The following GP1BB variants were observed in gnomAD, a reference collection of about 807,000 sequenced individuals.
GP1BB encodes the protein platelet glycoprotein Ib beta chain.
A neutral mutation model predicts 2.5 loss-of-function variants in GP1BB; 3 were observed. The ratio of observed to expected loss-of-function variants is 1.22; its 90% CI spans 0.56 to 3.15. GP1BB has a LOEUF of 3.15. Among genes scored for constraint, GP1BB ranks in the 30% most tolerant of loss-of-function variants. The pLI, the probability that GP1BB is intolerant of heterozygous loss-of-function variation, is 0.03. For missense variants in GP1BB, 316 were observed against 307.0 expected (o/e 1.03, Z -0.22); for synonymous variants, 191 against 167.5 (o/e 1.14, Z -1.08).
chr22:19,724,589 C>A lies in GP1BB; in HGVS notation c.*125C>A. On this transcript the variant is annotated 3_prime_UTR_variant, in exon 2 of 2. Coordinates refer to ENST00000366425, the MANE Select transcript of GP1BB (RefSeq NM_000407.5). Reference sequence around the variant, plus strand: ...ACCGGTCCCCGCCTCCTCCGCTGCCCAATCTCTCAGACCCACCCCACCTGC... The same window carrying A: ...ACCGGTCCCCGCCTCCTCCGCTGCCAAATCTCTCAGACCCACCCCACCTGC... 2.7e-6 allele frequency: 2 copies of A among 737,446 alleles called. No homozygotes were observed. The highest frequency in any genetic ancestry group is 1.5e-5 in the South Asian group (1 of 67,096). The allele number at this position is 737,446 out of a possible 1,614,324, so 45.7% of individuals were successfully genotyped here.
Position 19,723,726 on chromosome 22 carries a change from G to A in GP1BB, c.11-128G>A, listed in dbSNP as rs868479925. 39 of 1,312,530 alleles carry A rather than the reference G, an allele frequency of 3.0e-5. No individual in the cohort carries two copies. In the African/African-American group the frequency reaches 4.2e-4, roughly 14 times the overall value. The allele number at this position is 1,312,530 out of a possible 1,614,324, so 81.3% of individuals were successfully genotyped here. A position where few individuals can be genotyped will look rare whatever the true frequency, so the allele number is the denominator to read the frequency against. On this transcript the variant is annotated intron_variant, in intron 1 of 1. Transcript: ENST00000366425. ...CGGCGTGCGGGGTGGTCAGGGTGGA[G>A]AGGCTGGCGGGCTACCGGGACGCCG...
At position 19,723,546 on chromosome 22, in the gene GP1BB, A is replaced by T; in HGVS notation, c.-24A>T. 2 of 1,589,182 alleles carry T rather than the reference A, an allele frequency of 1.3e-6. No individual in the cohort carries two copies. Among genetic ancestry groups the T allele is most frequent in the Non-Finnish European group, 8.5e-7 (1 of 1,172,872 alleles). On this transcript the variant is annotated 5_prime_UTR_variant, in exon 1 of 2. Transcript: ENST00000366425. ...CCGCCTACGCCTCCCGCTGCAGAGTAAGCCGGGCTGCCGTCTTCTCGCCAT... is the reference window on the plus strand; with the variant it reads ...CCGCCTACGCCTCCCGCTGCAGAGTTAGCCGGGCTGCCGTCTTCTCGCCAT...
In GP1BB at chr22:19,724,158, C is replaced by T. The variant is rs771124807; in HGVS notation, c.315C>T (p.Ala105=). 16 of 1,309,944 alleles carry T rather than the reference C, an allele frequency of 1.2e-5. No homozygotes were observed. Among genetic ancestry groups the T allele is most frequent in the African/African-American group, 4.7e-5 (3 of 64,418 alleles). The allele number at this position is 1,309,944 out of a possible 1,614,324, so 81.1% of individuals were successfully genotyped here. ...TTGTGCCGCTGCGCGCCTGGCTGGC[C>T]GGCCGCCCCGAGCGTGCGCCCTACC... ...CRLVPLRAWL[A]GRPERAPYRD... Residue 105 remains alanine (A), a synonymous_variant, in exon 2 of 2, where the codon GCC becomes GCT. Coordinates refer to ENST00000366425, the MANE Select transcript of GP1BB (RefSeq NM_000407.5).
At position 19,723,586 on chromosome 22, in the gene GP1BB, C is replaced by T. The variant is rs1220157387; in HGVS notation, c.10+7C>T. On this transcript the variant is annotated splice_region_variant and intron_variant, in intron 1 of 1. Transcript: ENST00000366425. ...CTTCTCGCCATGGGCTCCGGTGAGT[C>T]TGGAGTCCGGTCGGGCCCCCGGCTG... is the stretch of plus-strand genomic sequence containing the variant. The T allele has an allele frequency of 1.3e-6, 2 of 1,597,504 alleles. No individual in the cohort carries two copies. Among genetic ancestry groups the T allele is most frequent in the East Asian group, 2.2e-5 (1 of 44,586 alleles).
At position 19,724,311 on chromosome 22, in the gene GP1BB, G is replaced by C. The variant is rs918532079; in HGVS notation, c.468G>C (p.Ala156=). 7.5e-7 allele frequency: 1 copy of C among 1,339,228 alleles called. No individual in the cohort carries two copies. The highest frequency in any genetic ancestry group is 9.5e-7 in the Non-Finnish European group (1 of 1,050,754). 83.0% of individuals were successfully genotyped at this position (1,339,228 alleles called of 1,614,324 possible). A position where few individuals can be genotyped will look rare whatever the true frequency, so the allele number is the denominator to read the frequency against. ...LCWGALAAQL[A]LLGLGLLHAL... is the part of the protein sequence containing the mutation. ...GGGGGGCGCTGGCGGCGCAGCTTGC[G>C]CTGCTGGGCCTTGGGCTGCTGCACG... The change falls in exon 2 of 2, where the codon GCG becomes GCC. Residue 156 remains alanine, a synonymous_variant. Transcript: ENST00000366425.
chr22:19,723,909 G>C lies in GP1BB; in HGVS notation c.66G>C (p.Pro22=), dbSNP rs1423121841. The C allele has an allele frequency of 7.9e-6, 12 of 1,522,272 alleles. No homozygotes were observed. In the Admixed American group the frequency reaches 8.0e-5, roughly 10 times the overall value. The allele number at this position is 1,522,272 out of a possible 1,614,324, so 94.3% of individuals were successfully genotyped here. Residue 22 remains proline, a synonymous_variant, in exon 2 of 2, where the codon CCG becomes CCC. Coordinates refer to ENST00000366425, the MANE Select transcript of GP1BB (RefSeq NM_000407.5). ...TGCTGCTGGCCCCGCCGAGCCGCCC[G>C]GCCGCAGGTTGCCCGGCGCCCTGTA... The part of the protein sequence containing the change: ...LLLLLAPPSR[P]AAGCPAPCSC...
rs2145796564 is a variant in GP1BB, at chr22:19,724,353, G to A, written c.510G>A (p.Leu170=). 6.7e-7 allele frequency: 1 copy of A among 1,482,662 alleles called. No individual in the cohort carries two copies. The highest frequency in any genetic ancestry group is 8.9e-7 in the Non-Finnish European group (1 of 1,120,886). 91.8% of individuals were successfully genotyped at this position (1,482,662 alleles called of 1,614,324 possible). ...TGCTGCACGCGTTGCTGCTGGTGCT[G>A]CTGCTGTGCCGCCTGCGGAGGCTGC... ...LGLLHALLLV[L]LLCRLRRLRA... The change falls in exon 2 of 2, where the codon CTG becomes CTA. Residue 170 remains leucine, a synonymous_variant. Coordinates refer to ENST00000366425, the MANE Select transcript of GP1BB (RefSeq NM_000407.5).
In GP1BB at chr22:19,723,720, G is replaced by A. The variant is rs542914936; in HGVS notation, c.11-134G>A. ...TCCAGCCGGCGTGCGGGGTGGTCAGGGTGGAGAGGCTGGCGGGCTACCGGG... is the reference window on the plus strand; with the variant it reads ...TCCAGCCGGCGTGCGGGGTGGTCAGAGTGGAGAGGCTGGCGGGCTACCGGG... On this transcript the variant is annotated intron_variant, in intron 1 of 1. Transcript: ENST00000366425. 3.1e-4 allele frequency: 412 copies of A among 1,316,558 alleles called. 1 individual carries two copies. The Middle Eastern group carries it at 5.0e-3, about 16-fold the overall frequency. 81.6% of individuals were successfully genotyped at this position (1,316,558 alleles called of 1,614,324 possible).
In GP1BB at chr22:19,723,948, G is replaced by T. The variant is rs913469929; in HGVS notation, c.105G>T (p.Thr35=). Residue 35 remains threonine (T), a synonymous_variant, in exon 2 of 2, where the codon ACG becomes ACT. Coordinates refer to ENST00000366425, the MANE Select transcript of GP1BB (RefSeq NM_000407.5). The part of the protein sequence containing the change: ...GCPAPCSCAG[T]LVDCGRRGLT... ...CGGCGCCCTGTAGCTGCGCGGGGAC[G>T]CTCGTGGACTGCGGGCGCCGCGGGC... 23 of 1,519,380 alleles carry T rather than the reference G, an allele frequency of 1.5e-5. No individual in the cohort carries two copies. The highest frequency in any genetic ancestry group is 4.4e-6 in the Non-Finnish European group (5 of 1,140,690). 94.1% of individuals were successfully genotyped at this position (1,519,380 alleles called of 1,614,324 possible).
In GP1BB at chr22:19,723,967, C is replaced by T. The variant is rs1211709592; in HGVS notation, c.124C>T (p.Arg42Cys). 5 of 1,525,708 alleles carry T rather than the reference C, an allele frequency of 3.3e-6. No homozygotes were observed. In the South Asian group the frequency reaches 4.8e-5, roughly 15 times the overall value. 94.5% of individuals were successfully genotyped at this position (1,525,708 alleles called of 1,614,324 possible). A position where few individuals can be genotyped will look rare whatever the true frequency, so the allele number is the denominator to read the frequency against. Residue 42 changes from arginine to cysteine, a missense_variant, in exon 2 of 2, where the codon CGC becomes TGC. Physicochemically the swap from Arg to Cys is radical, Grantham distance 180. Transcript: ENST00000366425. The part of the protein sequence containing the change: ...CAGTLVDCGR[R>C]GLTWASLPTA... ...GGGGACGCTCGTGGACTGCGGGCGC[C>T]GCGGGCTGACTTGGGCCTCGCTGCC...
rs142352780 is a variant in GP1BB, at chr22:19,724,242, C to T, written c.399C>T (p.Ala133=). ...GCGGCCGCCTGCTGCCCTATCTGGC[C>T]GAGGACGAGCTGCGCGCCGCTTGCG... The part of the protein sequence containing the change: ...ALRGRLLPYL[A]EDELRAACAP... Residue 133 remains alanine (A), a synonymous_variant, in exon 2 of 2, where the codon GCC becomes GCT. Coordinates refer to ENST00000366425, the MANE Select transcript of GP1BB (RefSeq NM_000407.5). The T allele has an allele frequency of 5.8e-3, 7,157 of 1,240,568 alleles. 22 individuals are homozygous for T. Among genetic ancestry groups the T allele is most frequent in the Non-Finnish European group, 6.3e-3 (6,325 of 996,212 alleles). The allele number at this position is 1,240,568 out of a possible 1,614,324, so 76.8% of individuals were successfully genotyped here.
Position 19,724,363 on chromosome 22 carries a change from C to A in GP1BB, c.520C>A (p.Arg174Ser). ...GTTGCTGCTGGTGCTGCTGCTGTGC[C>A]GCCTGCGGAGGCTGCGGGCCCGGGC... is the stretch of plus-strand genomic sequence containing the variant. Reference protein sequence around the residue: ...HALLLVLLLCRLRRLRARARA... With the variant: ...HALLLVLLLCSLRRLRARARA... The change falls in exon 2 of 2, where the codon CGC becomes AGC. Residue 174 changes from arginine to serine, a missense_variant. By Grantham distance (110) the Arg-to-Ser change is moderately radical (BLOSUM62 -1). Transcript: ENST00000366425. 6.7e-7 allele frequency: 1 copy of A among 1,495,362 alleles called. No individual in the cohort carries two copies. Among genetic ancestry groups the A allele is most frequent in the South Asian group, 1.3e-5 (1 of 76,278 alleles). 92.6% of individuals were successfully genotyped at this position (1,495,362 alleles called of 1,614,324 possible).
rs1311735462 is a variant in GP1BB at position 19,724,567 on chromosome 22, G to C, written c.*103G>C. On this transcript the variant is annotated 3_prime_UTR_variant, in exon 2 of 2. Coordinates refer to ENST00000366425, the MANE Select transcript of GP1BB (RefSeq NM_000407.5). ...AGGGGCCCTCGCGCCAACCTGGACC[G>C]GTCCCCGCCTCCTCCGCTGCCCAAT... 3 of 830,670 alleles carry C rather than the reference G, an allele frequency of 3.6e-6. No homozygotes were observed. Among genetic ancestry groups the C allele is most frequent in the Non-Finnish European group, 4.0e-6 (2 of 498,142 alleles). 51.5% of individuals were successfully genotyped at this position (830,670 alleles called of 1,614,324 possible). A position where few individuals can be genotyped will look rare whatever the true frequency, so the allele number is the denominator to read the frequency against.
At position 19,723,901 on chromosome 22, in the gene GP1BB, A is replaced by AGCCGCCCG; in HGVS notation, c.64_71dup (p.Gly25ArgfsTer23). 6.6e-7 allele frequency: 1 copy of AGCCGCCCG among 1,521,870 alleles called. No individual in the cohort carries two copies. 94.3% of individuals were successfully genotyped at this position (1,521,870 alleles called of 1,614,324 possible). ...ACTGCTCCTGCTGCTGGCCCCGCCG[A>AGCCGCCCG]GCCGCCCGGCCGCAGGTTGCCCGGC... On this transcript the variant is annotated frameshift_variant, in exon 2 of 2. Coordinates refer to ENST00000366425, the MANE Select transcript of GP1BB (RefSeq NM_000407.5). LOFTEE classifies it low-confidence loss of function (END_TRUNC).
Position 19,723,884 on chromosome 22 carries a change from T to C in GP1BB, c.41T>C (p.Leu14Pro). The C allele has an allele frequency of 1.3e-6, 2 of 1,522,622 alleles. No homozygotes were observed. Among genetic ancestry groups the C allele is most frequent in the Non-Finnish European group, 1.8e-6 (2 of 1,141,968 alleles). 94.3% of individuals were successfully genotyped at this position (1,522,622 alleles called of 1,614,324 possible). A position where few individuals can be genotyped will look rare whatever the true frequency, so the allele number is the denominator to read the frequency against. ...CGCGGGGCGCTGAGCTTACTGCTCC[T>C]GCTGCTGGCCCCGCCGAGCCGCCCG... ...GPRGALSLLL[L>P]LLAPPSRPAA... is the part of the protein sequence containing the mutation. The change falls in exon 2 of 2, where the codon CTG becomes CCG. Residue 14 changes from leucine to proline, a missense_variant. By Grantham distance (98) the Leu-to-Pro change is moderately conservative. Coordinates refer to ENST00000366425, the MANE Select transcript of GP1BB (RefSeq NM_000407.5).
chr22:19,723,909 G>A lies in GP1BB; in HGVS notation c.66G>A (p.Pro22=). The stretch of plus-strand genomic sequence containing the variant: ...TGCTGCTGGCCCCGCCGAGCCGCCC[G>A]GCCGCAGGTTGCCCGGCGCCCTGTA... ...LLLLLAPPSR[P]AAGCPAPCSC... The change falls in exon 2 of 2, where the codon CCG becomes CCA. Residue 22 remains proline (P), a synonymous_variant. Coordinates refer to ENST00000366425, the MANE Select transcript of GP1BB (RefSeq NM_000407.5). The A allele has an allele frequency of 6.6e-7, 1 of 1,522,380 alleles. No homozygotes were observed. 94.3% of individuals were successfully genotyped at this position (1,522,380 alleles called of 1,614,324 possible). A position where few individuals can be genotyped will look rare whatever the true frequency, so the allele number is the denominator to read the frequency against.
chr22:19,723,891 G>A lies in GP1BB; in HGVS notation c.48G>A (p.Leu16=). The A allele has an allele frequency of 1.3e-6, 2 of 1,521,868 alleles. No homozygotes were observed. Among genetic ancestry groups the A allele is most frequent in the Non-Finnish European group, 1.8e-6 (2 of 1,141,676 alleles). 94.3% of individuals were successfully genotyped at this position (1,521,868 alleles called of 1,614,324 possible). The change falls in exon 2 of 2, where the codon CTG becomes CTA. Residue 16 remains leucine, a synonymous_variant. Transcript: ENST00000366425. Reference sequence around the variant, plus strand: ...CGCTGAGCTTACTGCTCCTGCTGCTGGCCCCGCCGAGCCGCCCGGCCGCAG... The same window carrying A: ...CGCTGAGCTTACTGCTCCTGCTGCTAGCCCCGCCGAGCCGCCCGGCCGCAG... ...RGALSLLLLL[L]APPSRPAAGC...
In GP1BB at chr22:19,723,714, G is replaced by T. The variant is rs1040518856; in HGVS notation, c.10+135G>T. The T allele has an allele frequency of 1.1e-5, 14 of 1,320,558 alleles. No homozygotes were observed. The East Asian group carries it at 3.3e-4, about 31-fold the overall frequency. The allele number at this position is 1,320,558 out of a possible 1,614,324, so 81.8% of individuals were successfully genotyped here. A position where few individuals can be genotyped will look rare whatever the true frequency, so the allele number is the denominator to read the frequency against. On this transcript the variant is annotated intron_variant, in intron 1 of 1. Coordinates refer to ENST00000366425, the MANE Select transcript of GP1BB (RefSeq NM_000407.5). ...GGGACTTCCAGCCGGCGTGCGGGGTGGTCAGGGTGGAGAGGCTGGCGGGCT... is the reference window on the plus strand; with the variant it reads ...GGGACTTCCAGCCGGCGTGCGGGGTTGTCAGGGTGGAGAGGCTGGCGGGCT...
At position 19,724,698 on chromosome 22, in the gene GP1BB, G is replaced by A; in HGVS notation, c.*234G>A. The A allele has an allele frequency of 1.7e-5, 10 of 581,084 alleles. No homozygotes were observed. The highest frequency in any genetic ancestry group is 3.1e-5 in the Non-Finnish European group (10 of 320,532). 36.0% of individuals were successfully genotyped at this position (581,084 alleles called of 1,614,324 possible). ...GCACTTCCAGGCTTGGGAGGACCATGGGGCACAATGCGGTCCAGACCCTGC... is the reference window on the plus strand; with the variant it reads ...GCACTTCCAGGCTTGGGAGGACCATAGGGCACAATGCGGTCCAGACCCTGC... On this transcript the variant is annotated 3_prime_UTR_variant, in exon 2 of 2. Coordinates refer to ENST00000366425, the MANE Select transcript of GP1BB (RefSeq NM_000407.5).
Sources: gnomAD v4.1 joint callset for allele counts on GRCh38, gnomAD v4.1.1 for gene constraint, MANE v1.5 for transcripts, NCBI Gene and HGNC (gene_info 2026-07-23, HGNC 2026-07-21) for gene names.